TAFA4: variants seen among roughly 807,000 people sequenced by gnomAD.
TAFA4 encodes the protein TAFA chemokine like family member 4, also known as chemokine-like protein TAFA-4.
TAFA4 carries 20 observed loss-of-function variants against 21.1 expected under a neutral mutation model. The ratio of observed to expected loss-of-function variants is 0.95; its 90% CI spans 0.67 to 1.38. The LOEUF (loss-of-function observed/expected upper bound fraction) is 1.38, where lower values mean the gene tolerates loss of function less well. TAFA4 is among the 40% of genes most tolerant of loss of function. The probability of loss-of-function intolerance (pLI) is 0.00; values close to 1 mark genes in which losing one functional copy is unlikely to be tolerated. For synonymous variants in TAFA4, 71 were observed against 67.4 expected (o/e 1.05, Z -0.26); for missense variants, 211 against 180.9 (o/e 1.17, Z -0.95).
At chr3:68,826,138 C>T (rs1704223035) in intron 3 of TAFA4, among the ~76,000 whole-genome samples, 1 of 152,170 alleles carries the variant, frequency 6.6e-6, no homozygotes, top group Non-Finnish European at 1.5e-5. Flanking sequence ...GTTTTATTTG[C>T]TCCGAAGGGA....
At chr3:68,809,031 T>C (rs2106840527) in intron 3 of TAFA4, among the ~76,000 whole-genome samples, 1 of 152,336 alleles carries the variant, frequency 6.6e-6, no homozygotes. Flanking sequence ...GCAACTCACA[T>C]GATCAAACAT....
chr3:68,805,288 A>C (rs1178368309), intron 3 of TAFA4, among the ~76,000 whole-genome samples: 5 of 152,256 alleles, frequency 3.3e-5, no homozygotes, highest in Admixed American at 2.6e-4. Context: ...GGCGATCATT[A>C]AAAAGTCAGG....
chr3:68,779,506 G>A (rs1703113262), intron 3 of TAFA4, among the ~76,000 whole-genome samples: 1 of 152,168 alleles, frequency 6.6e-6, no homozygotes. Context: ...GGGTCCCTCT[G>A]CTGTGTGCAT....
intron 3 of TAFA4, among the ~76,000 whole-genome samples, chr3:68,785,826 C>T (rs967715179): frequency 1.9e-4 from 29 of 152,366 alleles, no homozygotes; most frequent in Admixed American, 2.6e-4. Context: ...ACTGCCAGCA[C>T]GCTGTAACCT....
At chr3:68,753,555 C>T (rs1173283375) in intron 3 of TAFA4, among the ~76,000 whole-genome samples, 4 of 152,044 alleles carry the variant, frequency 2.6e-5, no homozygotes, top group East Asian at 1.9e-4. Flanking sequence ...AAACTGGTCT[C>T]GAACTCCTGA....
intron 3 of TAFA4, among the ~76,000 whole-genome samples, chr3:68,811,173 G>C (rs776872080): frequency 5.3e-5 from 8 of 152,080 alleles, no homozygotes; most frequent in South Asian, 2.1e-4. Context: ...CCCATCTGTC[G>C]GTCACCATCA....
At chr3:68,791,347 A>C (rs138538302) in intron 3 of TAFA4, among the ~76,000 whole-genome samples, 240 of 152,258 alleles carry the variant, frequency 1.6e-3, no homozygotes, top group Non-Finnish European at 2.7e-3. Context: ...AGAGTATGAC[A>C]ATGGAGGCCG....
At chr3:68,868,982 T>G (rs114335115) in intron 3 of TAFA4, among the ~76,000 whole-genome samples, 3,241 of 151,306 alleles carry the variant, frequency 0.021, 120 homozygotes, top group African/African-American at 0.074. Context: ...TTAGCTAGAC[T>G]AAGAATAAAA....
At chr3:68,902,987 T>C (rs964678154) in intron 1 of TAFA4, among the ~76,000 whole-genome samples, 3 of 147,148 alleles carry the variant, frequency 2.0e-5, no homozygotes, top group African/African-American at 7.7e-5. Context: ...GCCATTTCTA[T>C]AATAGACGAA....
chr3:68,743,215 G>T (rs886553646), intron 4 of TAFA4, among the ~76,000 whole-genome samples: 14 of 152,064 alleles, frequency 9.2e-5, no homozygotes, highest in Admixed American at 6.6e-5. Flanking sequence ...AGCCAAATTG[G>T]TTATTTATTG....
chr3:68,892,737 C>A (rs2089742908), intron 1 of TAFA4, among the ~76,000 whole-genome samples: 1 of 152,194 alleles, frequency 6.6e-6, no homozygotes, highest in Admixed American at 6.5e-5. Flanking sequence ...CATTTAAGTG[C>A]ACTGATAAAT....
At chr3:68,838,618 A>G (rs1336753144) in intron 3 of TAFA4, among the ~76,000 whole-genome samples, 1 of 152,208 alleles carries the variant, frequency 6.6e-6, no homozygotes, top group Non-Finnish European at 1.5e-5. Flanking sequence ...CGGGCCATGT[A>G]TAGTTTTTGT....
At chr3:68,748,799 C>A (rs1702508945) in intron 4 of TAFA4, among the ~76,000 whole-genome samples, 1 of 151,162 alleles carries the variant, frequency 6.6e-6, no homozygotes, top group Non-Finnish European at 1.5e-5. Context: ...TTTTAAATAG[C>A]TTTGAAAAGT....
chr3:68,849,477 C>G (rs1419246148), intron 3 of TAFA4, among the ~76,000 whole-genome samples: 1 of 152,136 alleles, frequency 6.6e-6, no homozygotes, highest in Non-Finnish European at 1.5e-5. Flanking sequence ...CTGTGAGAGG[C>G]CCTAAGACTA....
intron 3 of TAFA4, among the ~76,000 whole-genome samples, chr3:68,871,733 G>A (rs966392781): frequency 6.6e-6 from 1 of 151,976 alleles, no homozygotes; most frequent in South Asian, 2.1e-4. Context: ...GTTTTAAAAT[G>A]GGCAAAAGAG....
chr3:68,766,515 T>G (rs900660506), intron 3 of TAFA4, among the ~76,000 whole-genome samples: 8 of 151,492 alleles, frequency 5.3e-5, no homozygotes, highest in African/African-American at 1.9e-4. Context: ...ACAAAAGCAT[T>G]CTTAAATTTT....
intron 3 of TAFA4, among the ~76,000 whole-genome samples, chr3:68,753,999 G>A (rs1269277718): frequency 6.6e-6 from 1 of 152,180 alleles, no homozygotes; most frequent in Non-Finnish European, 1.5e-5. Context: ...TTATTAGTTG[G>A]CAATTGCTGT....
chr3:68,771,627 A>C (rs1702959835), intron 3 of TAFA4, among the ~76,000 whole-genome samples: 2 of 152,238 alleles, frequency 1.3e-5, no homozygotes, highest in Non-Finnish European at 2.9e-5. Context: ...CCACCCCTCC[A>C]AATTTATTTC....
At chr3:68,924,330 C>T (rs151277387) in intron 1 of TAFA4, among the ~76,000 whole-genome samples, 30 of 152,298 alleles carry the variant, frequency 2.0e-4, no homozygotes, top group African/African-American at 6.7e-4. Context: ...CATGCTACAA[C>T]ATGGATGAAC....
Sources: allele counts gnomAD v4.1 joint callset (sites outside exome capture counted in the v4.1 genomes callset), GRCh38; gene constraint gnomAD v4.1.1; transcripts MANE v1.5; gene names NCBI Gene and HGNC (gene_info 2026-07-23, HGNC 2026-07-21).